DRAM1: variants seen among roughly 807,000 people sequenced by gnomAD.
The protein encoded by DRAM1 is DNA damage-regulated autophagy modulator protein 1.
A neutral mutation model predicts 28.5 loss-of-function variants in DRAM1; 25 were observed. The ratio of observed to expected loss-of-function variants is 0.88; its 90% CI spans 0.64 to 1.23. DRAM1 has a LOEUF of 1.23. DRAM1 is among the 50% of genes most tolerant of loss of function. DRAM1 has a pLI of 0.00. For missense variants in DRAM1, 249 were observed against 299.2 expected, an observed-to-expected ratio of 0.83 and a Z score of 1.24; for synonymous variants, 113 against 114.2, an observed-to-expected ratio of 0.99 and a Z score of 0.07.
Position 101,877,982 on chromosome 12 carries a change from C to T in DRAM1, c.131+62C>T. ...GGCACAGGGACCACAGGGAGCGCTG[C>T]CGACGGGGAGGGAAGGCGTCCGGAC... On this transcript the variant is annotated intron_variant, in intron 1 of 6. Transcript: ENST00000258534. This position sits in a 1 kb window ranked among gnomAD's most constrained non-coding sequence, Gnocchi z 4.1. The T allele has an allele frequency of 2.2e-6, 3 of 1,375,692 alleles. No homozygotes were observed. The highest frequency in any genetic ancestry group is 1.6e-5 in the South Asian group (1 of 63,344). The allele number at this position is 1,375,692 out of a possible 1,614,324, so 85.2% of individuals were successfully genotyped here. A position where few individuals can be genotyped will look rare whatever the true frequency, so the allele number is the denominator to read the frequency against.
At chr12:101,919,449 C>T (rs1874390957) in intron 5 of DRAM1, among the ~76,000 whole-genome samples, 2 of 152,184 alleles carry the variant, frequency 1.3e-5, no homozygotes, top group African/African-American at 4.8e-5. Flanking sequence ...TTCTGGCCTC[C>T]ATAGGCAACT....
At chr12:101,883,417 C>T (rs1171678059) in intron 1 of DRAM1, among the ~76,000 whole-genome samples, 1 of 150,204 alleles carries the variant, frequency 6.7e-6, no homozygotes, top group Non-Finnish European at 1.5e-5. Flanking sequence ...CGGGTTCAAG[C>T]GATTCTCCTG....
intron 1 of DRAM1, among the ~76,000 whole-genome samples, chr12:101,883,817 T>C (rs1872777028): frequency 1.3e-5 from 2 of 151,118 alleles, no homozygotes. Context: ...GTGCCTGTAG[T>C]CCCAGCTACT....
chr12:101,901,447 C>T lies in DRAM1; in HGVS notation c.342+14C>T. 6.2e-7 allele frequency: 1 copy of T among 1,612,928 alleles called. No individual in the cohort carries two copies. The highest frequency in any genetic ancestry group is 8.5e-7 in the Non-Finnish European group (1 of 1,179,464). On this transcript the variant is annotated intron_variant, in intron 3 of 6. Coordinates refer to ENST00000258534, the MANE Select transcript of DRAM1 (RefSeq NM_018370.3). The stretch of plus-strand genomic sequence containing the variant: ...GCCAATTTTCAGGTATAATCTGGAG[C>T]TTTTTCAGTTATGAGGAGTGGTGGA...
chr12:101,895,675 A>G (rs896969991), intron 1 of DRAM1, among the ~76,000 whole-genome samples: 1 of 144,436 alleles, frequency 6.9e-6, no homozygotes, highest in Non-Finnish European at 1.5e-5. Flanking sequence ...AGTTCAAGCG[A>G]TTCTCCTGCC....
intron 2 of DRAM1, among the ~76,000 whole-genome samples, 166 bp from the exon 3 acceptor site, chr12:101,901,113 GTGTGTGTGTGTC>G: frequency 1.6e-5 from 2 of 128,070 alleles, no homozygotes; most frequent in African/African-American, 2.6e-5. Context: ...GTGTGTGTGT[GTGTGTGTGTGTC>G]TGTACATGCT....
chr12:101,895,185 G>GGTTT lies in DRAM1; in HGVS notation c.132-2677_132-2674dup, dbSNP rs1250748989. Among the ~76,000 whole-genome samples, 864 of 102,900 alleles carry GGTTT rather than the reference G, an allele frequency of 8.4e-3. 45 individuals carry two copies. The highest frequency in any genetic ancestry group is 0.037 in the African/African-American group (816 of 21,918). 67.5% of individuals were successfully genotyped at this position (102,900 alleles called of 152,430 possible). ...GTAATGCTAAATTCGAAACCCTTCA[G>GGTTT]GTTTTTTTTTTTTTTTTTTTTTTTT... On this transcript the variant is annotated intron_variant, in intron 1 of 6. Transcript: ENST00000258534.
At chr12:101,896,115 T>C (rs1156278046) in intron 1 of DRAM1, among the ~76,000 whole-genome samples, 1 of 152,172 alleles carries the variant, frequency 6.6e-6, no homozygotes, top group South Asian at 2.1e-4. Context: ...CTCGAACTCC[T>C]GACCACAGGT....
At chr12:101,913,302 A>C (rs1266229898) in intron 4 of DRAM1, among the ~76,000 whole-genome samples, 1 of 152,144 alleles carries the variant, frequency 6.6e-6, no homozygotes, top group Non-Finnish European at 1.5e-5. Context: ...CCAATTACCC[A>C]ACAGAAGTCT....
At chr12:101,900,043 T>C (rs1263458376) in intron 2 of DRAM1, among the ~76,000 whole-genome samples, 1 of 152,254 alleles carries the variant, frequency 6.6e-6, no homozygotes, top group Non-Finnish European at 1.5e-5. Flanking sequence ...AAGTATGTAC[T>C]ATATGATAGG....
chr12:101,922,706 A>C lies in DRAM1; in HGVS notation c.*1446A>C, dbSNP rs1401601625. 1 of 152,246 alleles carries C rather than the reference A, an allele frequency of 6.6e-6. No individual in the cohort carries two copies. Among genetic ancestry groups the C allele is most frequent in the Non-Finnish European group, 1.5e-5 (1 of 68,046 alleles). 9.4% of individuals were successfully genotyped at this position (152,246 alleles called of 1,614,324 possible). A position where few individuals can be genotyped will look rare whatever the true frequency, so the allele number is the denominator to read the frequency against. ...AGCCAAGTAGAGAAATCTGGCAATAAAAGGCAAATGTAAGCATGCTTTCTT... is the reference window on the plus strand; with the variant it reads ...AGCCAAGTAGAGAAATCTGGCAATACAAGGCAAATGTAAGCATGCTTTCTT... On this transcript the variant is annotated 3_prime_UTR_variant, in exon 7 of 7. Coordinates refer to ENST00000258534, the MANE Select transcript of DRAM1 (RefSeq NM_018370.3).
At chr12:101,907,751 C>CA (rs1480222555) in intron 3 of DRAM1, among the ~76,000 whole-genome samples, 3 of 152,096 alleles carry the variant, frequency 2.0e-5, no homozygotes, top group East Asian at 3.9e-4. Context: ...AAAACAACAA[C>CA]AACAAAAAAA....
chr12:101,885,272 A>G (rs1195406915), intron 1 of DRAM1, among the ~76,000 whole-genome samples: 1 of 152,180 alleles, frequency 6.6e-6, no homozygotes, highest in African/African-American at 2.4e-5. Flanking sequence ...TTCATTTCAC[A>G]TTTAACTTTA....
intron 5 of DRAM1, among the ~76,000 whole-genome samples, chr12:101,915,456 C>G (rs879667899): frequency 6.6e-6 from 1 of 151,670 alleles, no homozygotes; most frequent in Non-Finnish European, 1.5e-5. Context: ...TCACTGCAGC[C>G]GGGGATAACT....
At chr12:101,883,609 C>T (rs1872769564) in intron 1 of DRAM1, among the ~76,000 whole-genome samples, 1 of 150,760 alleles carries the variant, frequency 6.6e-6, no homozygotes, top group Non-Finnish European at 1.5e-5. Context: ...CCACTGCGCC[C>T]CGCATGAATG....
Position 101,904,426 on chromosome 12 carries a change from GGTTTTT to G in DRAM1, c.342+2994_342+2999del, listed in dbSNP as rs1277301763. On this transcript the variant is annotated intron_variant, in intron 3 of 6. Coordinates refer to ENST00000258534, the MANE Select transcript of DRAM1 (RefSeq NM_018370.3). ...TGAAGCTGAGTGATAGAGCTTTAGG[GGTTTTT>G]TTTTTTTTTTTTTTTTTTTTTTTTT... Among the ~76,000 whole-genome samples, 158 of 39,010 alleles carry G rather than the reference GGTTTTT, an allele frequency of 4.1e-3. 25 individuals carry two copies. The highest frequency in any genetic ancestry group is 8.3e-3 in the African/African-American group (82 of 9,878). The allele number at this position is 39,010 out of a possible 152,430, so 25.6% of individuals were successfully genotyped here.
Position 101,893,786 on chromosome 12 carries a change from T to TG in DRAM1, c.132-4075dup, listed in dbSNP as rs55780298. Among the ~76,000 whole-genome samples the TG allele has an allele frequency of 2.6e-5, 4 of 151,488 alleles. No individual in the cohort carries two copies. The East Asian group carries it at 7.7e-4, about 29-fold the overall frequency. On this transcript the variant is annotated intron_variant, in intron 1 of 6. Coordinates refer to ENST00000258534, the MANE Select transcript of DRAM1 (RefSeq NM_018370.3). ...GATTAGGTCAATTTTTTTTTTTTTTTGGCCAGTACTGATATTCATTCAATG... is the reference window on the plus strand; with the variant it reads ...GATTAGGTCAATTTTTTTTTTTTTTTGGGCCAGTACTGATATTCATTCAATG...
At chr12:101,899,681 C>CAAAAA (rs55642593) in intron 2 of DRAM1, among the ~76,000 whole-genome samples, 2 of 102,728 alleles carry the variant, frequency 1.9e-5, no homozygotes, top group East Asian at 5.2e-4. Flanking sequence ...CCTGTCTCCA[C>CAAAAA]AAAAAAAAAA....
chr12:101,891,432 C>T (rs1243386968), intron 1 of DRAM1, among the ~76,000 whole-genome samples: 1 of 152,192 alleles, frequency 6.6e-6, no homozygotes, highest in African/African-American at 2.4e-5. Flanking sequence ...TTTGACCAAG[C>T]TTCAGAAAGT....
Sources: gnomAD v4.1 joint callset for allele counts (sites outside exome capture counted in the v4.1 genomes callset) on GRCh38, gnomAD v4.1.1 for gene constraint, Gnocchi (gnomAD v3.1) non-coding constraint, MANE v1.5 for transcripts, NCBI Gene and HGNC (gene_info 2026-07-23, HGNC 2026-07-21) for gene names.